SH3BP2: variants seen among roughly 807,000 people sequenced by gnomAD.
The protein encoded by SH3BP2 is SH3 domain-binding protein 2.
A neutral mutation model predicts 56.2 loss-of-function variants in SH3BP2; 38 were observed. The observed-to-expected ratio is 0.68, with a 90% confidence interval of 0.52 to 0.89. The LOEUF is 0.89. SH3BP2 is among the 40% of genes least tolerant of loss of function. The pLI is 0.00. For synonymous variants in SH3BP2, 346 were observed against 316.7 expected (o/e 1.09, Z -0.98); for missense variants, 748 against 762.6 (o/e 0.98, Z 0.23).
intron 3 of SH3BP2, chr4:2,823,704 C>A (rs1724436595): frequency 2.8e-6 from 1 of 355,070 alleles, no homozygotes; most frequent in Non-Finnish European, 5.6e-6. Context: ...GCCCTGCACC[C>A]CACAGCATTT....
intron 1 of SH3BP2, chr4:2,793,793 T>C (rs887558026): frequency 2.6e-5 from 4 of 152,196 alleles, no homozygotes; most frequent in African/African-American, 9.7e-5. Flanking sequence ...GAGACTCTCA[T>C]GGGCAACAGG....
At chr4:2,797,572 G>T (rs1723105299) in intron 1 of SH3BP2, among the ~76,000 whole-genome samples, 1 of 152,222 alleles carries the variant, frequency 6.6e-6, no homozygotes, top group South Asian at 2.1e-4. Flanking sequence ...GAAGACATAA[G>T]TGTCTGTCCT....
At chr4:2,813,785 ATG>A (rs1400018918) in intron 1 of SH3BP2, among the ~76,000 whole-genome samples, 3 of 152,162 alleles carry the variant, frequency 2.0e-5, no homozygotes, top group African/African-American at 7.2e-5. Context: ...ATGAGTGTGT[ATG>A]AGAACATGAG....
At chr4:2,813,241 C>T (rs576154498) in intron 1 of SH3BP2, among the ~76,000 whole-genome samples, 20 of 152,372 alleles carry the variant, frequency 1.3e-4, no homozygotes, top group African/African-American at 4.8e-4. Flanking sequence ...CGCCCACCAC[C>T]GGCCACCCAC....
At chr4:2,832,261 C>A in intron 10 of SH3BP2, 70 bp from the exon 11 acceptor site, 1 of 1,301,410 alleles carries the variant, frequency 7.7e-7, no homozygotes, top group Non-Finnish European at 1.1e-6. Context: ...GGCTTGGGAG[C>A]GGGGCGGGAA....
Position 2,833,367 on chromosome 4 carries a change from G to A in SH3BP2, c.1548+318G>A, listed in dbSNP as rs527937019. ...TTTCTCAGGCTGGTTTCAAATTCTG[G>A]GGCTCAAGCAATCCTCCCACCTCGG... On this transcript the variant is annotated intron_variant, in intron 12 of 12. Transcript: ENST00000503393. 7.0e-6 allele frequency: 4 copies of A among 571,310 alleles called. No homozygotes were observed. The South Asian group carries it at 8.1e-5, about 12-fold the overall frequency. 35.4% of individuals were successfully genotyped at this position (571,310 alleles called of 1,614,324 possible). A position where few individuals can be genotyped will look rare whatever the true frequency, so the allele number is the denominator to read the frequency against.
Position 2,810,032 on chromosome 4 carries a change from C to G in SH3BP2, c.-4-10582C>G, listed in dbSNP as rs891055662. ...GGGGTCATCTCCATGGTTACCGGCA[C>G]AGGGTAAATGTCAAGGAGTGGCCAT... is the stretch of plus-strand genomic sequence containing the variant. On this transcript the variant is annotated intron_variant, in intron 1 of 12. Transcript: ENST00000503393. This position sits in a 1 kb window ranked among gnomAD's most constrained non-coding sequence, Gnocchi z 4.2. Among the ~76,000 whole-genome samples, 1 of 152,230 alleles carries G rather than the reference C, an allele frequency of 6.6e-6. No homozygotes were observed. Among genetic ancestry groups the G allele is most frequent in the African/African-American group, 2.4e-5 (1 of 41,462 alleles).
rs967295792 is a variant in SH3BP2, at chr4:2,833,508, A to T, written c.1549-189A>T. The T allele has an allele frequency of 7.9e-5, 54 of 683,592 alleles. No homozygotes were observed. In the African/African-American group the frequency reaches 8.5e-4, roughly 11 times the overall value. The allele number at this position is 683,592 out of a possible 1,614,324, so 42.3% of individuals were successfully genotyped here. ...TCCTGGACATGGAGGACGGAGGGGA[A>T]GTGAGGTGGGAACATGGAGAGCACA... is the stretch of plus-strand genomic sequence containing the variant. On this transcript the variant is annotated intron_variant, in intron 12 of 12. Transcript: ENST00000503393.
At chr4:2,798,197 C>T (rs750897587) in intron 1 of SH3BP2, among the ~76,000 whole-genome samples, 5 of 152,146 alleles carry the variant, frequency 3.3e-5, no homozygotes, top group Admixed American at 6.5e-5. Context: ...GAAGAGCCGC[C>T]GAGCGGAGTC....
intron 8 of SH3BP2, among the ~76,000 whole-genome samples, chr4:2,831,000 C>T (rs189139): frequency 0.27 from 41,084 of 152,162 alleles, 6,292 homozygotes; most frequent in East Asian, 0.44. Context: ...TGCAGATGTT[C>T]GGAAGTCACG....
At chr4:2,818,475 C>T in intron 1 of SH3BP2, 1 of 777,300 alleles carries the variant, frequency 1.3e-6, no homozygotes, top group Non-Finnish European at 1.6e-6. Flanking sequence ...GCCCCTGGAC[C>T]AGGGCCGCGA....
At chr4:2,825,009 G>A (rs1431904019) in intron 4 of SH3BP2, 117 bp from the exon 5 acceptor site, 22 of 941,120 alleles carry the variant, frequency 2.3e-5, no homozygotes, top group Admixed American at 4.0e-5. Flanking sequence ...TATCCAGCCG[G>A]GTCGCCTCCT....
At chr4:2,813,443 G>A (rs547594493) in intron 1 of SH3BP2, among the ~76,000 whole-genome samples, 19 of 152,300 alleles carry the variant, frequency 1.2e-4, no homozygotes, top group African/African-American at 4.3e-4. Context: ...TGCCCAGTGC[G>A]CTCGGCACAA....
At chr4:2,828,108 A>G (rs1045044044) in intron 7 of SH3BP2, among the ~76,000 whole-genome samples, 3 of 151,484 alleles carry the variant, frequency 2.0e-5, no homozygotes, top group African/African-American at 4.9e-5. Flanking sequence ...TGGCCTAGTC[A>G]AAGAGACAGG....
chr4:2,827,413 C>A (rs1724729898), intron 6 of SH3BP2, 95 bp downstream of exon 6: 6 of 1,319,400 alleles, frequency 4.5e-6, no homozygotes, highest in Non-Finnish European at 6.6e-6. Context: ...TTCGGCTGTG[C>A]TCCTTGCTCT....
intron 1 of SH3BP2, among the ~76,000 whole-genome samples, chr4:2,800,023 A>AG (rs1723197311): frequency 6.6e-6 from 1 of 151,922 alleles, no homozygotes; most frequent in South Asian, 2.1e-4. Context: ...GAAGACCATG[A>AG]GGAGCTCGGG....
intron 1 of SH3BP2, chr4:2,818,643 C>T: frequency 2.8e-5 from 24 of 867,752 alleles, no homozygotes; most frequent in Non-Finnish European, 3.4e-5. Context: ...CCTCCTCCAT[C>T]CCCACTGCGG....
rs1723694230 is a variant in SH3BP2, at chr4:2,810,326, G to C, written c.-4-10288G>C. Among the ~76,000 whole-genome samples the C allele has an allele frequency of 6.6e-6, 1 of 151,420 alleles. No individual in the cohort carries two copies. The highest frequency in any genetic ancestry group is 2.1e-4 in the South Asian group (1 of 4,800). On this transcript the variant is annotated intron_variant, in intron 1 of 12. Coordinates refer to ENST00000503393, the MANE Select transcript of SH3BP2 (RefSeq NM_001122681.2). This position sits in a 1 kb window ranked among gnomAD's most constrained non-coding sequence, Gnocchi z 4.2. The stretch of plus-strand genomic sequence containing the variant: ...TCCTCTGGGCTGGACTCCCCCTGTA[G>C]CATCACAGCATTGGACCAGGGCTGT...
chr4:2,835,033 A>C lies in SH3BP2; in HGVS notation c.*1199A>C, dbSNP rs962134919. The C allele has an allele frequency of 1.3e-5, 2 of 152,284 alleles. No individual in the cohort carries two copies. The highest frequency in any genetic ancestry group is 2.9e-5 in the Non-Finnish European group (2 of 68,096). 9.4% of individuals were successfully genotyped at this position (152,284 alleles called of 1,614,324 possible). ...TCCATCCCCTTACTTTCTGCCATGG[A>C]GTTCCAGCAGGTCACTCTCCCTGGC... is the stretch of plus-strand genomic sequence containing the variant. On this transcript the variant is annotated 3_prime_UTR_variant, in exon 13 of 13. Coordinates refer to ENST00000503393, the MANE Select transcript of SH3BP2 (RefSeq NM_001122681.2).
Sources: allele counts gnomAD v4.1 joint callset (sites outside exome capture counted in the v4.1 genomes callset), GRCh38; gene constraint gnomAD v4.1.1; non-coding constraint Gnocchi (gnomAD v3.1); transcripts MANE v1.5; gene names NCBI Gene and HGNC (gene_info 2026-07-23, HGNC 2026-07-21).